Variants in WNK1 observed in about 807,000 individuals in gnomAD.
WNK1 encodes the protein serine/threonine-protein kinase WNK1.
WNK1 carries 38 observed loss-of-function variants against 222.8 expected under a neutral mutation model. The observed-to-expected ratio is 0.17, with a 90% CI of 0.13 to 0.22. WNK1 has a LOEUF of 0.22. Ranked by LOEUF, WNK1 falls within the 10% of genes least tolerant of loss-of-function variation. The pLI, the probability that WNK1 is intolerant of heterozygous loss-of-function variation, is 1.00. For missense variants in WNK1, 2,348 were observed against 2,918.4 expected (o/e 0.80, Z 4.50); for synonymous variants, 1,090 against 1,092.9 (o/e 1.00, Z 0.05).
intron 1 of WNK1, among the ~76,000 whole-genome samples, chr12:769,421 C>G (rs1249941201): frequency 6.6e-6 from 1 of 152,208 alleles, no homozygotes; most frequent in Non-Finnish European, 1.5e-5. Context: ...TGGTCTCAAA[C>G]TCCTGACTGA....
intron 2 of WNK1, among the ~76,000 whole-genome samples, chr12:815,000 G>A (rs778474615): frequency 6.6e-6 from 1 of 152,178 alleles, no homozygotes; most frequent in Non-Finnish European, 1.5e-5. Context: ...ACAGTTCACA[G>A]TAGGGTTCAT....
At chr12:807,118 T>TG (rs1249500971) in intron 1 of WNK1, among the ~76,000 whole-genome samples, 6 of 143,716 alleles carry the variant, frequency 4.2e-5, no homozygotes, top group Non-Finnish European at 6.1e-5. Flanking sequence ...TGTGGCGGGG[T>TG]GGGGGGTTGG....
chr12:808,384 A>G (rs537358192), intron 1 of WNK1, among the ~76,000 whole-genome samples: 6 of 152,026 alleles, frequency 3.9e-5, no homozygotes, highest in Non-Finnish European at 4.4e-5. Flanking sequence ...AGCCTCCCAA[A>G]GTGTGAGCCG....
chr12:786,205 C>T (rs1944289093), intron 1 of WNK1, among the ~76,000 whole-genome samples: 1 of 152,076 alleles, frequency 6.6e-6, no homozygotes, highest in South Asian at 2.1e-4. Flanking sequence ...ACTTGATTAG[C>T]TGATATTTGA....
At chr12:834,317 A>AT (rs1949022923) in intron 4 of WNK1, among the ~76,000 whole-genome samples, 1 of 152,218 alleles carries the variant, frequency 6.6e-6, no homozygotes, top group Non-Finnish European at 1.5e-5. Flanking sequence ...CCGGTTGGTA[A>AT]TTAAGAGGCA....
At chr12:850,137 C>T (rs1483613161) in intron 4 of WNK1, among the ~76,000 whole-genome samples, 10 of 151,904 alleles carry the variant, frequency 6.6e-5, no homozygotes, top group South Asian at 4.2e-4. Flanking sequence ...CCTGAGGAAT[C>T]GCCACACTGA....
intron 4 of WNK1, among the ~76,000 whole-genome samples, chr12:841,706 A>G (rs1362532395): frequency 6.6e-6 from 1 of 152,246 alleles, no homozygotes; most frequent in African/African-American, 2.4e-5. Context: ...GGAAAGCCCA[A>G]GATCAGGTGC....
Position 859,351 on chromosome 12 carries a change from T to C in WNK1, c.1507T>C (p.Trp503Arg). ...TGGAGAAAAAATAGCCATAAAATTA[T>C]GGCTACGTATTGAAGATATTAAGAA... Reference protein sequence around the residue: ...DDGEKIAIKLWLRIEDIKKLK... With the variant: ...DDGEKIAIKLRLRIEDIKKLK... Residue 503 changes from tryptophan to arginine, a missense_variant, in exon 6 of 28, where the codon TGG becomes CGG. Around this residue, in one of 13 missense-constraint regions of WNK1, gnomAD observed 37 missense variants for 102.8 expected, o/e 0.36. Coordinates refer to ENST00000315939, the MANE Select transcript of WNK1 (RefSeq NM_018979.4). The C allele has an allele frequency of 6.2e-7, 1 of 1,612,530 alleles. No homozygotes were observed. The highest frequency in any genetic ancestry group is 8.5e-7 in the Non-Finnish European group (1 of 1,178,648).
chr12:843,834 T>C (rs1949810375), intron 4 of WNK1, among the ~76,000 whole-genome samples: 1 of 152,200 alleles, frequency 6.6e-6, no homozygotes, highest in South Asian at 2.1e-4. Context: ...GCATTTTACA[T>C]AGTCCAAGGG....
rs369707986 is a variant in WNK1 at position 884,273 on chromosome 12, G to A, written c.3844+30G>A. On this transcript the variant is annotated intron_variant, in intron 18 of 27. Transcript: ENST00000315939. The surrounding 1 kb of genome is among the most constrained non-coding windows in gnomAD (Gnocchi z 5.6). ...GGGATTGATTCTGCCACATTGTTAT[G>A]TAAATTCTACAGTGCCTCTGCTATG... The A allele has an allele frequency of 6.2e-7, 1 of 1,613,462 alleles. No individual in the cohort carries two copies. Among genetic ancestry groups the A allele is most frequent in the Non-Finnish European group, 8.5e-7 (1 of 1,179,666 alleles).
At chr12:791,812 TTTC>T (rs913436877) in intron 1 of WNK1, among the ~76,000 whole-genome samples, 1 of 152,294 alleles carries the variant, frequency 6.6e-6, no homozygotes, top group African/African-American at 2.4e-5. Flanking sequence ...GGGGATGATG[TTTC>T]TTTTTAGCCT....
rs1438109486 is a variant in WNK1 at position 909,722 on chromosome 12, A to G, written c.*930A>G. On this transcript the variant is annotated 3_prime_UTR_variant, in exon 28 of 28. Transcript: ENST00000315939. Reference sequence around the variant, plus strand: ...GCCTTGGACTTCTATTGCTTCTGCCATTAGCATCAACTTACCAGACCCCAG... The same window carrying G: ...GCCTTGGACTTCTATTGCTTCTGCCGTTAGCATCAACTTACCAGACCCCAG... 6.6e-6 allele frequency: 1 copy of G among 152,240 alleles called. No homozygotes were observed. The highest frequency in any genetic ancestry group is 1.5e-5 in the Non-Finnish European group (1 of 68,046). The allele number at this position is 152,240 out of a possible 1,614,324, so 9.4% of individuals were successfully genotyped here. A position where few individuals can be genotyped will look rare whatever the true frequency, so the allele number is the denominator to read the frequency against.
chr12:761,781 G>T lies in WNK1; in HGVS notation c.759+7457G>T, dbSNP rs1030646845. Among the ~76,000 whole-genome samples, 3 of 147,538 alleles carry T rather than the reference G, an allele frequency of 2.0e-5. 1 individual carries two copies. Among genetic ancestry groups the T allele is most frequent in the South Asian group, 4.4e-4 (2 of 4,498 alleles). On this transcript the variant is annotated intron_variant, in intron 1 of 27. Transcript: ENST00000315939. ...GATCATCTCCTTCCATGGACTGGTA[G>T]ATTATTGTGGATTAAGGTAAATCGG...
intron 4 of WNK1, among the ~76,000 whole-genome samples, chr12:849,707 TC>T (rs1950276675): frequency 6.6e-6 from 1 of 152,048 alleles, no homozygotes; most frequent in African/African-American, 2.4e-5. Context: ...CCTAATGCTA[TC>T]CCTCCCCCCT....
chr12:851,806 G>A, intron 4 of WNK1: 1 of 1,322,558 alleles, frequency 7.6e-7, no homozygotes, highest in Non-Finnish European at 9.9e-7. Flanking sequence ...TCCAGTATAT[G>A]TAACAGTTTA....
intron 1 of WNK1, among the ~76,000 whole-genome samples, chr12:804,489 C>T (rs188808787): frequency 6.6e-6 from 1 of 151,914 alleles, no homozygotes; most frequent in East Asian, 1.9e-4. Context: ...TCTCCTGCCT[C>T]ACCCTCCCGA....
chr12:867,380 C>A (rs940709571), intron 8 of WNK1, among the ~76,000 whole-genome samples: 1 of 152,144 alleles, frequency 6.6e-6, no homozygotes, highest in Non-Finnish European at 1.5e-5. Flanking sequence ...AAACTGAAGG[C>A]CTCTAACATA....
chr12:868,905 AC>A lies in WNK1; in HGVS notation c.2140-2356del. On this transcript the variant is annotated intron_variant, in intron 8 of 27. Coordinates refer to ENST00000315939, the MANE Select transcript of WNK1 (RefSeq NM_018979.4). The stretch of plus-strand genomic sequence containing the variant: ...GATTCCTCACAAATCACTTCTTCAG[AC>A]CCCAGTGATTTTCAGTCACCTCCCC... 12 of 1,600,056 alleles carry A rather than the reference AC, an allele frequency of 7.5e-6. No individual in the cohort carries two copies. The highest frequency in any genetic ancestry group is 1.0e-5 in the Non-Finnish European group (12 of 1,172,128).
chr12:810,488 C>T (rs1403398360), intron 1 of WNK1, among the ~76,000 whole-genome samples: 1 of 152,034 alleles, frequency 6.6e-6, no homozygotes, highest in Non-Finnish European at 1.5e-5. Context: ...ACTTGAGGAC[C>T]AGATAATTTT....
Sources: gnomAD v4.1 joint callset for allele counts (sites outside exome capture counted in the v4.1 genomes callset) on GRCh38, gnomAD v4.1.1 for gene constraint, gnomAD v4.1.1 regional missense constraint, Gnocchi (gnomAD v3.1) non-coding constraint, MANE v1.5 for transcripts, NCBI Gene and HGNC (gene_info 2026-07-23, HGNC 2026-07-21) for gene names.